The following TAX1BP1 variants were observed in gnomAD, a reference collection of about 807,000 sequenced individuals.
The protein encoded by TAX1BP1 is Tax1 binding protein 1, also known as tax1-binding protein 1.
A neutral mutation model predicts 97.7 loss-of-function variants in TAX1BP1; 62 were observed. The observed-to-expected ratio is 0.63, with a 90% CI of 0.52 to 0.78. The LOEUF is 0.78. TAX1BP1 is among the 30% of genes least tolerant of loss of function. The pLI, the probability that TAX1BP1 is intolerant of heterozygous loss-of-function variation, is 0.00. For missense variants in TAX1BP1, 867 were observed against 916.1 expected (o/e 0.95, Z 0.69); for synonymous variants, 340 against 304.2 (o/e 1.12, Z -1.23).
rs1363922565 is a variant in TAX1BP1 at position 27,827,767 on chromosome 7, T to C, written c.2115T>C (p.Asp705=). The C allele has an allele frequency of 1.9e-6, 3 of 1,613,882 alleles. No homozygotes were observed. The African/African-American group carries it at 4.0e-5, about 22-fold the overall frequency. The change falls in exon 16 of 17, where the codon GAT becomes GAC. Residue 705 remains aspartate (D), a synonymous_variant. Transcript: ENST00000396319. ...ATGAGAATGTGCCTACTGCTCCTGA[T>C]CCTCCAAGTCAACATTTACGTGGGC... is the stretch of plus-strand genomic sequence containing the variant. ...KEDENVPTAP[D]PPSQHLRGHG...
intron 1 of TAX1BP1, among the ~76,000 whole-genome samples, chr7:27,740,942 T>G (rs1364658133): frequency 6.6e-6 from 1 of 152,178 alleles, no homozygotes; most frequent in African/African-American, 2.4e-5. Flanking sequence ...ACTCCTGGCT[T>G]AGGGAATCTG....
chr7:27,762,829 A>G (rs1047101824), intron 3 of TAX1BP1, among the ~76,000 whole-genome samples: 1 of 152,066 alleles, frequency 6.6e-6, no homozygotes, highest in Non-Finnish European at 1.5e-5. Flanking sequence ...GTGTACACCT[A>G]AAGTCCCAGC....
At chr7:27,741,542 C>T (rs539642833) in intron 1 of TAX1BP1, among the ~76,000 whole-genome samples, 44 of 151,304 alleles carry the variant, frequency 2.9e-4, no homozygotes, top group African/African-American at 1.0e-3. Context: ...GCTCTGTCTC[C>T]CAGGCTGGAG....
chr7:27,786,288 C>T (rs117581888), intron 7 of TAX1BP1, among the ~76,000 whole-genome samples: 15,007 of 151,894 alleles, frequency 0.099, 821 homozygotes, highest in South Asian at 0.12. Context: ...CCCGCGACCA[C>T]GTCCGGCTAA....
intron 13 of TAX1BP1, among the ~76,000 whole-genome samples, chr7:27,813,466 C>T (rs571629846): frequency 2.6e-5 from 4 of 152,014 alleles, no homozygotes; most frequent in African/African-American, 9.6e-5. Flanking sequence ...GTGATCCTCC[C>T]ACCTCAGGTT....
intron 8 of TAX1BP1, 84 bp downstream of exon 8, chr7:27,787,687 C>G (rs1038234741): frequency 5.5e-6 from 7 of 1,264,898 alleles, no homozygotes; most frequent in Admixed American, 6.3e-5. Flanking sequence ...TTTAATTCCC[C>G]CAAGCTTTTG....
intron 3 of TAX1BP1, among the ~76,000 whole-genome samples, chr7:27,762,741 GA>G (rs1788475295): frequency 6.6e-6 from 1 of 152,144 alleles, no homozygotes. Flanking sequence ...ATGAGCCCAG[GA>G]ATTTGAGACC....
At position 27,788,803 on chromosome 7, in the gene TAX1BP1, C is replaced by G. The variant is rs529282156; in HGVS notation, c.1038+1200C>G. Among the ~76,000 whole-genome samples the G allele has an allele frequency of 4.1e-4, 62 of 152,050 alleles. 1 individual carries two copies. Among genetic ancestry groups the G allele is most frequent in the Admixed American group, 2.7e-3 (41 of 15,264 alleles). The stretch of plus-strand genomic sequence containing the variant: ...GGTTGTTCCCCCAGACCTGATATTA[C>G]CATTTCTCCAAGAAACTCTGTTTTT... On this transcript the variant is annotated intron_variant, in intron 8 of 16. Transcript: ENST00000396319.
chr7:27,786,208 T>A, intron 7 of TAX1BP1, among the ~76,000 whole-genome samples: 1 of 151,296 alleles, frequency 6.6e-6, no homozygotes, highest in African/African-American at 2.4e-5. Context: ...CTCGGCCCAC[T>A]GCAAGCTCTG....
intron 5 of TAX1BP1, among the ~76,000 whole-genome samples, chr7:27,774,234 G>A (rs148612018): frequency 4.4e-4 from 67 of 152,138 alleles, no homozygotes; most frequent in African/African-American, 1.2e-3. Context: ...TCTCTAAAAC[G>A]TAAAGATATT....
At chr7:27,780,574 T>C (rs1789214091) in intron 5 of TAX1BP1, among the ~76,000 whole-genome samples, 1 of 152,170 alleles carries the variant, frequency 6.6e-6, no homozygotes, top group Admixed American at 6.5e-5. Context: ...ACAGAGGCAG[T>C]TTAAGGCATT....
At chr7:27,807,912 T>G (rs1210005497) in intron 13 of TAX1BP1, among the ~76,000 whole-genome samples, 2 of 152,214 alleles carry the variant, frequency 1.3e-5, no homozygotes, top group Non-Finnish European at 2.9e-5. Context: ...ATTTTTATAA[T>G]CATTTTGATA....
intron 5 of TAX1BP1, among the ~76,000 whole-genome samples, chr7:27,775,376 T>C (rs918748433): frequency 3.3e-5 from 5 of 152,194 alleles, no homozygotes; most frequent in Admixed American, 2.6e-4. Context: ...ATGAAACTCA[T>C]TGATAATACA....
chr7:27,755,816 G>C (rs1788190945), intron 2 of TAX1BP1, among the ~76,000 whole-genome samples: 1 of 152,134 alleles, frequency 6.6e-6, no homozygotes, highest in African/African-American at 2.4e-5. Context: ...TGGTTAACTA[G>C]ATTCAGGTAT....
chr7:27,753,600 A>C (rs1788100742), intron 2 of TAX1BP1, among the ~76,000 whole-genome samples: 1 of 152,242 alleles, frequency 6.6e-6, no homozygotes, highest in South Asian at 2.1e-4. Context: ...TACCTATGAT[A>C]AAGTTTAATT....
rs142372069 is a variant in TAX1BP1 at position 27,794,231 on chromosome 7, A to C, written c.1411-92A>C. 3.2e-4 allele frequency: 365 copies of C among 1,128,032 alleles called. 2 individuals carry two copies. In the East Asian group the frequency reaches 9.1e-3, roughly 28 times the overall value. The allele number at this position is 1,128,032 out of a possible 1,614,324, so 69.9% of individuals were successfully genotyped here. ...TGGACTTCTTAGGATTTCCTAAAGT[A>C]ATATGTAAAAATATTATTTACTTAG... On this transcript the variant is annotated intron_variant, in intron 10 of 16. Transcript: ENST00000396319.
chr7:27,759,957 G>A (rs989359702), intron 3 of TAX1BP1, among the ~76,000 whole-genome samples: 6 of 151,430 alleles, frequency 4.0e-5, no homozygotes, highest in South Asian at 2.1e-4. Flanking sequence ...GGGTTCAAGC[G>A]ATTCTTGTGC....
intron 3 of TAX1BP1, 31 bp from the exon 4 acceptor site, chr7:27,765,803 T>A: frequency 6.4e-7 from 1 of 1,560,300 alleles, no homozygotes; most frequent in African/African-American, 1.4e-5. Flanking sequence ...AATAGGAAGT[T>A]TAATAATTTT....
At chr7:27,796,262 T>C in intron 12 of TAX1BP1, 43 bp downstream of exon 12, 1 of 1,418,310 alleles carries the variant, frequency 7.1e-7, no homozygotes, top group Non-Finnish European at 9.7e-7. Context: ...TATAAAATGT[T>C]AATGACTTAG....
Sources: allele counts gnomAD v4.1 joint callset (sites outside exome capture counted in the v4.1 genomes callset), GRCh38; gene constraint gnomAD v4.1.1; transcripts MANE v1.5; gene names NCBI Gene and HGNC (gene_info 2026-07-23, HGNC 2026-07-21).